Variants in MROH2A observed in about 807,000 individuals in gnomAD.
MROH2A encodes maestro heat like repeat family member 2A, also known as maestro heat-like repeat-containing protein family member 2A.
Under a neutral mutation model 200.4 loss-of-function variants are expected in MROH2A, and 174 were observed. That is an observed-to-expected ratio of 0.87 (90% CI 0.77 to 0.98). MROH2A has a LOEUF of 0.98. MROH2A is among the 50% of genes least tolerant of loss of function. The pLI, the probability that MROH2A is intolerant of heterozygous loss-of-function variation, is 0.00. For synonymous variants in MROH2A, 829 were observed against 840.4 expected (o/e 0.99, Z 0.23); for missense variants, 2,045 against 2,139.6 (o/e 0.96, Z 0.87).
At chr2:233,819,220 C>T in intron 29 of MROH2A, 97 bp from the exon 30 acceptor site, 1 of 1,247,172 alleles carries the variant, frequency 8.0e-7, no homozygotes. Flanking sequence ...AGGATAGGAG[C>T]CTGGAGTGGG....
chr2:233,807,492 C>A lies in MROH2A; in HGVS notation c.2122C>A (p.Leu708Met), dbSNP rs1329049321. Residue 708 changes from leucine to methionine, a missense_variant, in exon 20 of 42, where the codon CTG (leucine) becomes ATG (methionine). Around this residue, in one of 3 missense-constraint regions of MROH2A, gnomAD observed 1,201 missense variants for 1,311.3 expected, o/e 0.92. Transcript: ENST00000389758. The surrounding 1 kb of genome is among the most constrained non-coding windows in gnomAD (Gnocchi z 4.3). ...GLEASKVEVL[L>M]LELLYKTDYS... ...GGAGGCCAGCAAGGTGGAGGTCCTG[C>A]TGTTGGAGCTGCTGTACAAGACGGA... 1 of 1,550,624 alleles carries A rather than the reference C, an allele frequency of 6.4e-7. No individual in the cohort carries two copies. The highest frequency in any genetic ancestry group is 2.0e-5 in the Admixed American group (1 of 51,014).
Position 233,794,378 on chromosome 2 carries a change from A to G in MROH2A, c.838A>G (p.Ile280Val). 4.5e-6 allele frequency: 7 copies of G among 1,550,416 alleles called. No individual in the cohort carries two copies. The highest frequency in any genetic ancestry group is 6.1e-6 in the Non-Finnish European group (7 of 1,146,924). ...HYNPEVKLGVIKSLKPMLGLL... is the reference protein window; with the variant it reads ...HYNPEVKLGVVKSLKPMLGLL... ...CTGGTGGCAGGTGAAGCTGGGGGTGATCAAGTCCCTGAAGCCCATGCTCGG... is the reference window on the plus strand; with the variant it reads ...CTGGTGGCAGGTGAAGCTGGGGGTGGTCAAGTCCCTGAAGCCCATGCTCGG... Residue 280 changes from isoleucine (I) to valine (V), a missense_variant, in exon 8 of 42, where the codon ATC (isoleucine) becomes GTC (valine). Around this residue, in one of 3 missense-constraint regions of MROH2A, gnomAD observed 831 missense variants for 800.0 expected, o/e 1.04. Coordinates refer to ENST00000389758, the MANE Select transcript of MROH2A (RefSeq NM_001394639.1).
intron 5 of MROH2A, 123 bp from the exon 6 acceptor site, chr2:233,792,673 A>G (rs1370195379): frequency 4.6e-6 from 3 of 646,684 alleles, no homozygotes; most frequent in Non-Finnish European, 8.3e-6. Flanking sequence ...GCCAGGACAG[A>G]GGGCTAAGCC....
chr2:233,800,197 T>C lies in MROH2A; in HGVS notation c.1450-8T>C. The C allele has an allele frequency of 6.5e-7, 1 of 1,541,098 alleles. No individual in the cohort carries two copies. Among genetic ancestry groups the C allele is most frequent in the Non-Finnish European group, 8.8e-7 (1 of 1,141,124 alleles). On this transcript the variant is annotated splice_polypyrimidine_tract_variant and splice_region_variant and intron_variant, in intron 13 of 41. Transcript: ENST00000389758. Reference sequence around the variant, plus strand: ...CACAGGTGGGAATCCCTTGGTTCTTTCTTCCAGACAAATCGCCGGGAGAAG... The same window carrying C: ...CACAGGTGGGAATCCCTTGGTTCTTCCTTCCAGACAAATCGCCGGGAGAAG...
chr2:233,828,948 T>C lies in MROH2A; in HGVS notation c.4322T>C (p.Val1441Ala). 1 of 1,550,500 alleles carries C rather than the reference T, an allele frequency of 6.4e-7. No individual in the cohort carries two copies. The highest frequency in any genetic ancestry group is 8.7e-7 in the Non-Finnish European group (1 of 1,146,972). Residue 1441 changes from valine (V) to alanine (A), a missense_variant, in exon 37 of 42, where the codon GTG becomes GCG. By Grantham distance (64) the Val-to-Ala change is moderately conservative (BLOSUM62 0). This residue lies in a region of MROH2A where 1,201 missense variants were observed against 1,311.3 expected (regional missense o/e 0.92). Transcript: ENST00000389758. The surrounding 1 kb of genome is among the most constrained non-coding windows in gnomAD (Gnocchi z 4.6). ...EKCLGPLREPVSNSVTAEGME... is the reference protein window; with the variant it reads ...EKCLGPLREPASNSVTAEGME... ...TGCCTGGGCCCCCTGAGGGAGCCCGTGAGCAACAGCGTGACTGCCGAGGGC... is the reference window on the plus strand; with the variant it reads ...TGCCTGGGCCCCCTGAGGGAGCCCGCGAGCAACAGCGTGACTGCCGAGGGC...
intron 22 of MROH2A, 119 bp downstream of exon 22, chr2:233,809,397 T>G: frequency 8.9e-7 from 1 of 1,126,324 alleles, no homozygotes; most frequent in East Asian, 2.7e-5. Context: ...TCTTACCTGA[T>G]GCCCAGCACG....
At chr2:233,797,092 T>C (rs913981820) in intron 11 of MROH2A, among the ~76,000 whole-genome samples, 7 of 152,234 alleles carry the variant, frequency 4.6e-5, no homozygotes, top group Non-Finnish European at 7.3e-5. Flanking sequence ...AGCTCTACCA[T>C]TGCAGACCAA....
chr2:233,780,775 A>G (rs6746002), intron 3 of MROH2A, among the ~76,000 whole-genome samples: 40,714 of 152,112 alleles, frequency 0.27, 6,482 homozygotes, highest in East Asian at 0.56. Flanking sequence ...GAAAATATAC[A>G]ATCAATCATT....
At chr2:233,798,981 C>T (rs981173550) in intron 12 of MROH2A, 131 bp downstream of exon 12, 1 of 715,090 alleles carries the variant, frequency 1.4e-6, no homozygotes, top group Non-Finnish European at 2.5e-6. Context: ...TCGACTGGGG[C>T]TGCAGAATGG....
intron 29 of MROH2A, 134 bp from the exon 30 acceptor site, chr2:233,819,183 G>A: frequency 1.1e-6 from 1 of 930,128 alleles, no homozygotes; most frequent in African/African-American, 1.6e-5. Context: ...CTCAGCCCAG[G>A]AGGAGGCCAT....
Position 233,799,809 on chromosome 2 carries a change from G to A in MROH2A, c.1359G>A (p.Gly453=). The change falls in exon 13 of 42, where the codon GGG becomes GGA. Residue 453 remains glycine, a synonymous_variant. Coordinates refer to ENST00000389758, the MANE Select transcript of MROH2A (RefSeq NM_001394639.1). ...GGATGGCTATTCTCCACATCATTGG[G>A]CAGTTGGCTCTCTGTGGCTACCAGG... is the stretch of plus-strand genomic sequence containing the variant. ...KVRMAILHII[G]QLALCGYQER... The A allele has an allele frequency of 1.3e-6, 2 of 1,550,508 alleles. No individual in the cohort carries two copies. The highest frequency in any genetic ancestry group is 1.7e-6 in the Non-Finnish European group (2 of 1,146,968).
rs1036583068 is a variant in MROH2A, at chr2:233,819,455, G to A, written c.3343G>A (p.Glu1115Lys). 2 of 1,550,382 alleles carry A rather than the reference G, an allele frequency of 1.3e-6. No homozygotes were observed. Among genetic ancestry groups the A allele is most frequent in the Admixed American group, 2.0e-5 (1 of 51,004 alleles). The change falls in exon 30 of 42, where the codon GAG becomes AAG. Residue 1115 changes from glutamate to lysine, a missense_variant. Coordinates refer to ENST00000389758, the MANE Select transcript of MROH2A (RefSeq NM_001394639.1). ...CTTCTTCCTCCAGATGCGGGCCAAGGAGCTGGAGGACAAGGTGGCAGAGCC... is the reference window on the plus strand; with the variant it reads ...CTTCTTCCTCCAGATGCGGGCCAAGAAGCTGGAGGACAAGGTGGCAGAGCC... ...IAFFLQMRAK[E>K]LEDKVAEILS...
Position 233,814,639 on chromosome 2 carries a change from A to G in MROH2A, c.2818A>G (p.Arg940Gly). The G allele has an allele frequency of 1.0e-5, 16 of 1,550,444 alleles. No individual in the cohort carries two copies. The highest frequency in any genetic ancestry group is 1.4e-5 in the Non-Finnish European group (16 of 1,146,914). The change falls in exon 26 of 42, where the codon AGG becomes GGG. Residue 940 changes from arginine (R) to glycine (G), a missense_variant. This residue lies in a region of MROH2A where 1,201 missense variants were observed against 1,311.3 expected (regional missense o/e 0.92). Coordinates refer to ENST00000389758, the MANE Select transcript of MROH2A (RefSeq NM_001394639.1). Reference protein sequence around the residue: ...LEQLMESLLQRQLDPKGLQEM... With the variant: ...LEQLMESLLQGQLDPKGLQEM... ...GCAGCTGATGGAGAGCCTCCTGCAG[A>G]GGCAGCTGGACCCCAAGGGGCTGCA... is the stretch of plus-strand genomic sequence containing the variant.
At chr2:233,814,723 C>T in intron 26 of MROH2A, 46 bp downstream of exon 26, 2 of 1,364,848 alleles carry the variant, frequency 1.5e-6, no homozygotes, top group East Asian at 5.0e-5. Context: ...GCCACTCCTC[C>T]CCAGAAGCTG....
At chr2:233,827,999 C>T (rs1368066766) in intron 35 of MROH2A, among the ~76,000 whole-genome samples, 1 of 152,094 alleles carries the variant, frequency 6.6e-6, no homozygotes, top group African/African-American at 2.4e-5. Context: ...ATGTTGGTGT[C>T]TGGGACAGGC....
rs1489750968 is a variant in MROH2A, at chr2:233,818,754, C to T, written c.3188C>T (p.Ser1063Phe). 4.5e-6 allele frequency: 7 copies of T among 1,546,992 alleles called. No homozygotes were observed. Among genetic ancestry groups the T allele is most frequent in the Non-Finnish European group, 5.2e-6 (6 of 1,143,982 alleles). Residue 1063 changes from serine (S) to phenylalanine (F), a missense_variant, in exon 29 of 42, where the codon TCC (serine) becomes TTC (phenylalanine). This residue lies in a region of MROH2A where 1,201 missense variants were observed against 1,311.3 expected (regional missense o/e 0.92). Transcript: ENST00000389758. ...GATGTGGAGAAGATCTTCTGTGCATCCTCCAGAATCGCCAAGGTGACAGCC... is the reference window on the plus strand; with the variant it reads ...GATGTGGAGAAGATCTTCTGTGCATTCTCCAGAATCGCCAAGGTGACAGCC... ...STDVEKIFCASSRIAKVVCME... is the reference protein window; with the variant it reads ...STDVEKIFCAFSRIAKVVCME...
chr2:233,800,968 C>A (rs79379454), intron 14 of MROH2A, among the ~76,000 whole-genome samples: 12,036 of 152,070 alleles, frequency 0.079, 882 homozygotes, highest in African/African-American at 0.19. Flanking sequence ...TAATAATCAT[C>A]ATCATCATCA....
intron 5 of MROH2A, 85 bp from the exon 6 acceptor site, chr2:233,792,711 G>A (rs1701862207): frequency 1.2e-6 from 1 of 821,598 alleles, no homozygotes; most frequent in Non-Finnish European, 2.0e-6. Context: ...GGTTGGAGGT[G>A]GAGGGCAGCA....
rs1403778447 is a variant in MROH2A at position 233,789,642 on chromosome 2, C to G, written c.408+14C>G. ...GAGATCCCAGAGGTAGGACCCCAAG[C>G]TCCATCGGTGCCTTCCCTCTGCCAG... On this transcript the variant is annotated intron_variant, in intron 4 of 41. Transcript: ENST00000389758. The G allele has an allele frequency of 6.2e-6, 9 of 1,453,264 alleles. No individual in the cohort carries two copies. Among genetic ancestry groups the G allele is most frequent in the Non-Finnish European group, 8.2e-6 (9 of 1,099,824 alleles). 90.0% of individuals were successfully genotyped at this position (1,453,264 alleles called of 1,614,324 possible).
Sources: allele counts gnomAD v4.1 joint callset (sites outside exome capture counted in the v4.1 genomes callset), GRCh38; gene constraint gnomAD v4.1.1; regional missense constraint gnomAD v4.1.1; non-coding constraint Gnocchi (gnomAD v3.1); transcripts MANE v1.5; gene names NCBI Gene and HGNC (gene_info 2026-07-23, HGNC 2026-07-21).